MARK3: variants seen among roughly 807,000 people sequenced by gnomAD.
MARK3 encodes the protein MAP/microtubule affinity-regulating kinase 3.
MARK3 carries 46 observed loss-of-function variants against 90.1 expected under a neutral mutation model. That is an observed-to-expected ratio of 0.51 (90% confidence interval 0.40 to 0.65). The LOEUF is 0.65. MARK3 is among the 30% of genes least tolerant of loss of function. The pLI is 0.00. For missense variants in MARK3, 818 were observed against 947.2 expected (o/e 0.86, Z 1.79); for synonymous variants, 321 against 332.6 (o/e 0.97, Z 0.38).
intron 1 of MARK3, among the ~76,000 whole-genome samples, chr14:103,402,508 C>T (rs1031950372): frequency 2.6e-5 from 4 of 150,988 alleles, no homozygotes; most frequent in Non-Finnish European, 5.9e-5. Context: ...GCTGAGATTG[C>T]GCCACTGCAC....
At chr14:103,435,403 TTTTA>T (rs1247642385) in intron 3 of MARK3, among the ~76,000 whole-genome samples, 3 of 149,180 alleles carry the variant, frequency 2.0e-5, no homozygotes, top group Non-Finnish European at 4.5e-5. Flanking sequence ...TTTTACTTAT[TTTTA>T]TTTATTTATT....
chr14:103,477,649 A>T (rs1311755886), intron 13 of MARK3, among the ~76,000 whole-genome samples: 1 of 149,298 alleles, frequency 6.7e-6, no homozygotes, highest in Non-Finnish European at 1.5e-5. Context: ...TGTGCAGCCA[A>T]CACCTGTCTT....
Position 103,475,012 on chromosome 14 carries a change from T to C in MARK3, c.1284T>C (p.Ser428=). 1 of 1,613,230 alleles carries C rather than the reference T, an allele frequency of 6.2e-7. No homozygotes were observed. The highest frequency in any genetic ancestry group is 2.2e-5 in the East Asian group (1 of 44,862). Residue 428 remains serine (S), a synonymous_variant, in exon 13 of 18, where the codon TCT becomes TCC. Transcript: ENST00000429436. ...TTTTAGCTGGACCAGCTATTCCTTCTGTTGTGGCGTATCCGAAAAGGAGTC... is the reference window on the plus strand; with the variant it reads ...TTTTAGCTGGACCAGCTATTCCTTCCGTTGTGGCGTATCCGAAAAGGAGTC... The part of the protein sequence containing the change: ...YSDHAGPAIP[S]VVAYPKRSQT...
At chr14:103,498,393 A>G (rs2075461345) in intron 15 of MARK3, 109 bp from the exon 16 acceptor site, 1 of 752,412 alleles carries the variant, frequency 1.3e-6, no homozygotes. Context: ...CCAGAGAAGG[A>G]ACCCTGCTTT....
At chr14:103,431,374 G>A (rs1041803829) in intron 3 of MARK3, among the ~76,000 whole-genome samples, 4 of 152,090 alleles carry the variant, frequency 2.6e-5, no homozygotes, top group Non-Finnish European at 5.9e-5. Flanking sequence ...GGGATTACAC[G>A]TGTGAGCCAC....
intron 3 of MARK3, among the ~76,000 whole-genome samples, chr14:103,438,533 G>C (rs1159147346): frequency 6.6e-6 from 1 of 152,192 alleles, no homozygotes; most frequent in Non-Finnish European, 1.5e-5. Flanking sequence ...GCATGTGGTA[G>C]ATACCTAGTA....
intron 2 of MARK3, among the ~76,000 whole-genome samples, chr14:103,425,283 G>A (rs562539620): frequency 1.5e-5 from 2 of 131,580 alleles, no homozygotes; most frequent in African/African-American, 5.3e-5. Context: ...TTTATTTGAT[G>A]GAGTCTCATT....
chr14:103,462,851 C>A (rs1338275443), intron 7 of MARK3, among the ~76,000 whole-genome samples: 1 of 152,170 alleles, frequency 6.6e-6, no homozygotes, highest in African/African-American at 2.4e-5. Flanking sequence ...AGGTCCTCAG[C>A]CTCTGCCCTC....
intron 2 of MARK3, among the ~76,000 whole-genome samples, chr14:103,426,154 CATG>C (rs2092394897): frequency 1.3e-5 from 2 of 151,964 alleles, no homozygotes; most frequent in South Asian, 4.1e-4. Context: ...CCAGAGGTTA[CATG>C]ATGTGTGATA....
At chr14:103,483,600 G>C (rs572755166) in intron 14 of MARK3, among the ~76,000 whole-genome samples, 1 of 152,242 alleles carries the variant, frequency 6.6e-6, no homozygotes, top group African/African-American at 2.4e-5. Context: ...CAGCTTTCCT[G>C]TGGGAACAAT....
chr14:103,411,146 C>T (rs2091607036), intron 2 of MARK3, among the ~76,000 whole-genome samples: 1 of 151,390 alleles, frequency 6.6e-6, no homozygotes, highest in Admixed American at 6.6e-5. Flanking sequence ...TGGTGGCGGG[C>T]GCCTGTAGCC....
rs533973776 is a variant in MARK3, at chr14:103,395,682, T to TA, written c.52-9393dup. On this transcript the variant is annotated intron_variant, in intron 1 of 17. Transcript: ENST00000429436. Reference sequence around the variant, plus strand: ...GAGGTAAATTTTTAAAATCCTTTCATATCTGCAAACATCTTTATTCTGTTC... The same window carrying TA: ...GAGGTAAATTTTTAAAATCCTTTCATAATCTGCAAACATCTTTATTCTGTTC... Among the ~76,000 whole-genome samples, 200 of 152,360 alleles carry TA rather than the reference T, an allele frequency of 1.3e-3. 1 individual carries two copies. Among genetic ancestry groups the TA allele is most frequent in the African/African-American group, 4.6e-3 (193 of 41,584 alleles).
intron 6 of MARK3, chr14:103,458,617 T>C (rs776596734): frequency 2.4e-5 from 13 of 540,186 alleles, no homozygotes; most frequent in Non-Finnish European, 3.3e-5. Context: ...AAAGGAGCAG[T>C]GCTTCACTGC....
chr14:103,390,227 G>A (rs1412098523), intron 1 of MARK3, among the ~76,000 whole-genome samples: 5 of 152,098 alleles, frequency 3.3e-5, no homozygotes, highest in African/African-American at 4.8e-5. Context: ...CAGCCTGGGC[G>A]ACAGAGTGAG....
chr14:103,484,209 G>A (rs1404104314), intron 14 of MARK3, among the ~76,000 whole-genome samples: 1 of 144,670 alleles, frequency 6.9e-6, no homozygotes, highest in East Asian at 2.0e-4. Context: ...ATGGAGTCTC[G>A]CTCTTTTACC....
chr14:103,469,867 C>A (rs1292790288), intron 12 of MARK3, among the ~76,000 whole-genome samples: 1 of 151,582 alleles, frequency 6.6e-6, no homozygotes, highest in African/African-American at 2.4e-5. Flanking sequence ...TCGAGACTAG[C>A]CTGACCAACG....
At chr14:103,435,763 G>T (rs578092045) in intron 3 of MARK3, among the ~76,000 whole-genome samples, 1 of 152,138 alleles carries the variant, frequency 6.6e-6, no homozygotes, top group African/African-American at 2.4e-5. Context: ...CTGTTGCCCA[G>T]GATGGAAGGT....
At chr14:103,451,021 C>T (rs559920005) in intron 4 of MARK3, among the ~76,000 whole-genome samples, 11 of 147,860 alleles carry the variant, frequency 7.4e-5, no homozygotes, top group Non-Finnish European at 1.0e-4. Flanking sequence ...ACCTCCACCA[C>T]ACTGGCTCAG....
chr14:103,447,938 AATTTCTGT>A (rs1566860227), intron 3 of MARK3, among the ~76,000 whole-genome samples: 1 of 151,846 alleles, frequency 6.6e-6, no homozygotes, highest in African/African-American at 2.4e-5. Flanking sequence ...GCACCCAGCT[AATTTCTGT>A]ATTTTTAGTA....
Sources: allele counts gnomAD v4.1 joint callset (sites outside exome capture counted in the v4.1 genomes callset), GRCh38; gene constraint gnomAD v4.1.1; transcripts MANE v1.5; gene names NCBI Gene and HGNC (gene_info 2026-07-23, HGNC 2026-07-21).